The following PDE7B variants were observed in gnomAD, a reference collection of about 807,000 sequenced individuals.
The protein encoded by PDE7B is phosphodiesterase 7B.
Under a neutral mutation model 56.2 loss-of-function variants are expected in PDE7B, and 29 were observed. The ratio of observed to expected loss-of-function variants is 0.52; its 90% confidence interval spans 0.38 to 0.70. The LOEUF is 0.70. Ranked by LOEUF, PDE7B falls within the 30% of genes least tolerant of loss-of-function variation. PDE7B has a pLI of 0.00. For synonymous variants in PDE7B, 197 were observed against 196.9 expected (o/e 1.00, Z 0.00); for missense variants, 490 against 565.0 (o/e 0.87, Z 1.35).
chr6:135,980,830 T>C (rs1346465647), intron 2 of PDE7B, among the ~76,000 whole-genome samples: 5 of 132,772 alleles, frequency 3.8e-5, no homozygotes, highest in African/African-American at 1.5e-4. Context: ...TTTTACACTG[T>C]TGGTGGGACT....
intron 2 of PDE7B, among the ~76,000 whole-genome samples, chr6:136,041,584 C>T (rs1323821543): frequency 6.6e-6 from 1 of 152,194 alleles, no homozygotes; most frequent in African/African-American, 2.4e-5. Flanking sequence ...AGCTTGTCAC[C>T]TTCACATGTT....
chr6:136,154,182 C>T lies in PDE7B; in HGVS notation c.579+7C>T. ...CTACCTGAAAGAGCCAAAGGTAAGA[C>T]AAGACCCAGCTGCCTCCTCAGCCAC... is the stretch of plus-strand genomic sequence containing the variant. On this transcript the variant is annotated splice_region_variant and intron_variant, in intron 7 of 12. Transcript: ENST00000308191. The T allele has an allele frequency of 6.3e-7, 1 of 1,591,814 alleles. No homozygotes were observed. The highest frequency in any genetic ancestry group is 8.6e-7 in the Non-Finnish European group (1 of 1,160,136).
In PDE7B at chr6:135,860,168, G is replaced by A. The variant is rs1465563573; in HGVS notation, c.21+8149G>A. Among the ~76,000 whole-genome samples, 9 of 151,912 alleles carry A rather than the reference G, an allele frequency of 5.9e-5. No individual in the cohort carries two copies. The South Asian group carries it at 1.2e-3, about 21-fold the overall frequency. ...CTTTCTAGAACATTCCTGTTAGATC[G>A]GGATTTGTTATGCCCACTTTAAAGG... is the stretch of plus-strand genomic sequence containing the variant. On this transcript the variant is annotated intron_variant, in intron 1 of 12. Transcript: ENST00000308191.
chr6:135,875,793 C>A (rs1253763406), intron 1 of PDE7B, among the ~76,000 whole-genome samples: 1 of 152,116 alleles, frequency 6.6e-6, no homozygotes, highest in Admixed American at 6.5e-5. Context: ...TCTAGGTTTT[C>A]GTTATTTTTT....
intron 2 of PDE7B, among the ~76,000 whole-genome samples, chr6:136,078,814 C>A (rs1384115982): frequency 2.0e-5 from 3 of 151,956 alleles, no homozygotes; most frequent in African/African-American, 7.2e-5. Flanking sequence ...CATAAAATAG[C>A]CTTATAATTT....
intron 2 of PDE7B, among the ~76,000 whole-genome samples, chr6:135,998,338 T>C (rs1389464672): frequency 6.6e-6 from 1 of 152,224 alleles, no homozygotes; most frequent in Non-Finnish European, 1.5e-5. Flanking sequence ...TTGGTTCCTG[T>C]CGACTAAGTA....
At chr6:135,903,068 A>G (rs759352110) in intron 1 of PDE7B, among the ~76,000 whole-genome samples, 23 of 152,200 alleles carry the variant, frequency 1.5e-4, no homozygotes, top group South Asian at 4.1e-4. Flanking sequence ...CTTCTAATCA[A>G]AAAGCATTTA....
At chr6:136,110,736 A>G (rs911853541) in intron 3 of PDE7B, among the ~76,000 whole-genome samples, 3 of 144,792 alleles carry the variant, frequency 2.1e-5, no homozygotes, top group Non-Finnish European at 3.0e-5. Context: ...TTTTTTTTAC[A>G]ATTTGCCTCT....
intron 8 of PDE7B, among the ~76,000 whole-genome samples, chr6:136,162,849 C>A (rs1383967114): frequency 6.6e-6 from 1 of 152,226 alleles, no homozygotes; most frequent in African/African-American, 2.4e-5. Context: ...AGTCATTAAA[C>A]CTTCAAGTTC....
intron 2 of PDE7B, among the ~76,000 whole-genome samples, chr6:135,997,213 T>A (rs1775581090): frequency 6.6e-6 from 1 of 150,980 alleles, no homozygotes; most frequent in African/African-American, 2.4e-5. Context: ...AGCCCAGGGG[T>A]TCAAGACCTA....
At chr6:135,965,003 T>C (rs577000328) in intron 2 of PDE7B, among the ~76,000 whole-genome samples, 55 of 152,272 alleles carry the variant, frequency 3.6e-4, no homozygotes, top group African/African-American at 8.4e-4. Context: ...TAGCTGGGTG[T>C]GGTGGCGTGC....
At position 136,178,989 on chromosome 6, in the gene PDE7B, G is replaced by T. The variant is rs746320163; in HGVS notation, c.804-8G>T. 6.2e-6 allele frequency: 10 copies of T among 1,613,862 alleles called. No individual in the cohort carries two copies. Among genetic ancestry groups the T allele is most frequent in the Non-Finnish European group, 8.5e-6 (10 of 1,179,834 alleles). ...GTGTGTTTTTCTCTTTCATTCTTGTGGATGCAGACAGGATATTGAACAGCA... is the reference window on the plus strand; with the variant it reads ...GTGTGTTTTTCTCTTTCATTCTTGTTGATGCAGACAGGATATTGAACAGCA... On this transcript the variant is annotated splice_region_variant and splice_polypyrimidine_tract_variant and intron_variant, in intron 9 of 12. Coordinates refer to ENST00000308191, the MANE Select transcript of PDE7B (RefSeq NM_018945.4).
At chr6:135,892,117 A>T (rs1775819387) in intron 1 of PDE7B, among the ~76,000 whole-genome samples, 1 of 152,144 alleles carries the variant, frequency 6.6e-6, no homozygotes, top group Non-Finnish European at 1.5e-5. Flanking sequence ...GAACACACTG[A>T]ATTTTGGAAG....
At chr6:135,983,922 C>A (rs1474877471) in intron 2 of PDE7B, among the ~76,000 whole-genome samples, 1 of 152,230 alleles carries the variant, frequency 6.6e-6, no homozygotes, top group Non-Finnish European at 1.5e-5. Flanking sequence ...TGTGTGTTTG[C>A]ACACCAAGCT....
Position 135,935,186 on chromosome 6 carries a change from T to TTTTATATATA in PDE7B, c.22-12277_22-12276insTTATATATAT, listed in dbSNP as rs1404954510. On this transcript the variant is annotated intron_variant, in intron 1 of 12. Coordinates refer to ENST00000308191, the MANE Select transcript of PDE7B (RefSeq NM_018945.4). ...GACAGAGAATTTTATATATATATATTTATTTATATATATATATATATATAT... is the reference window on the plus strand; with the variant it reads ...GACAGAGAATTTTATATATATATATTTTTATATATATATTTATATATATATATATATATAT... Among the ~76,000 whole-genome samples the TTTTATATATA allele has an allele frequency of 2.6e-3, 100 of 38,408 alleles. 3 individuals carry two copies. Among genetic ancestry groups the TTTTATATATA allele is most frequent in the East Asian group, 3.2e-3 (3 of 938 alleles). 25.2% of individuals were successfully genotyped at this position (38,408 alleles called of 152,430 possible). A position where few individuals can be genotyped will look rare whatever the true frequency, so the allele number is the denominator to read the frequency against.
chr6:135,971,878 T>C (rs995473502), intron 2 of PDE7B, among the ~76,000 whole-genome samples: 2 of 152,210 alleles, frequency 1.3e-5, no homozygotes, highest in Non-Finnish European at 2.9e-5. Context: ...TGTTTTCTCA[T>C]TGTTGCTGCA....
intron 2 of PDE7B, among the ~76,000 whole-genome samples, chr6:135,961,281 A>ATGTGTGTGTGTGTGTGTGTG (rs771473679): frequency 7.8e-5 from 7 of 89,406 alleles, no homozygotes; most frequent in South Asian, 3.5e-4. Context: ...GTGTGTGTGT[A>ATGTGTGTGTGTGTGTGTGTG]TGTGTGTGTG....
chr6:136,161,998 A>T (rs1778711408), intron 8 of PDE7B: 1 of 152,228 alleles, frequency 6.6e-6, no homozygotes, highest in African/African-American at 2.4e-5. Flanking sequence ...ATCCATTTTT[A>T]GGTCCTTAAA....
At chr6:135,926,160 C>G (rs1480213087) in intron 1 of PDE7B, among the ~76,000 whole-genome samples, 1 of 147,218 alleles carries the variant, frequency 6.8e-6, no homozygotes, top group Non-Finnish European at 1.5e-5. Context: ...AATCTCGGCT[C>G]ACTGCAAGCT....
Sources: allele counts gnomAD v4.1 joint callset (sites outside exome capture counted in the v4.1 genomes callset), GRCh38; gene constraint gnomAD v4.1.1; transcripts MANE v1.5; gene names NCBI Gene and HGNC (gene_info 2026-07-23, HGNC 2026-07-21).